Variants in SMAP1 observed in about 807,000 individuals in gnomAD.
SMAP1 encodes the protein stromal membrane-associated protein 1.
SMAP1 carries 24 observed loss-of-function variants against 58.5 expected under a neutral mutation model. The observed-to-expected ratio is 0.41, with a 90% CI of 0.30 to 0.58. The LOEUF (loss-of-function observed/expected upper bound fraction) is 0.58, where lower values mean the gene tolerates loss of function less well. Ranked by LOEUF, SMAP1 falls within the 20% of genes least tolerant of loss-of-function variation. The pLI is 0.29. For synonymous variants in SMAP1, 216 were observed against 196.6 expected, an observed-to-expected ratio of 1.10 and a Z score of -0.82; for missense variants, 563 against 566.3, an observed-to-expected ratio of 0.99 and a Z score of 0.06.
At chr6:70,710,378 C>G (rs1476245255) in intron 1 of SMAP1, among the ~76,000 whole-genome samples, 1 of 150,886 alleles carries the variant, frequency 6.6e-6, no homozygotes, top group African/African-American at 2.4e-5. Flanking sequence ...GTAGTCCCAG[C>G]TGCTCGGGAG....
chr6:70,757,479 A>G (rs1410092870), intron 3 of SMAP1, among the ~76,000 whole-genome samples: 1 of 152,130 alleles, frequency 6.6e-6, no homozygotes, highest in African/African-American at 2.4e-5. Context: ...CATGTCCAAA[A>G]CACCAACAGC....
intron 3 of SMAP1, among the ~76,000 whole-genome samples, chr6:70,768,847 T>A (rs868817815): frequency 1.1e-4 from 17 of 152,324 alleles, no homozygotes; most frequent in African/African-American, 3.4e-4. Flanking sequence ...GATATTAGGG[T>A]GTCACTTTTG....
At chr6:70,823,721 A>T (rs1230702992) in intron 6 of SMAP1, among the ~76,000 whole-genome samples, 1 of 152,056 alleles carries the variant, frequency 6.6e-6, no homozygotes, top group African/African-American at 2.4e-5. Flanking sequence ...GCAGATTGTT[A>T]GGCTGTTTTT....
At chr6:70,679,612 A>T (rs929924797) in intron 1 of SMAP1, among the ~76,000 whole-genome samples, 9 of 152,258 alleles carry the variant, frequency 5.9e-5, no homozygotes, top group African/African-American at 2.2e-4. Flanking sequence ...AATAAAAATT[A>T]TGATTTATAA....
At chr6:70,834,269 G>A (rs1169861900) in intron 6 of SMAP1, among the ~76,000 whole-genome samples, 2 of 151,190 alleles carry the variant, frequency 1.3e-5, no homozygotes, top group African/African-American at 2.4e-5. Context: ...GCCTGAAGAG[G>A]TTCCAAAGTC....
Position 70,797,279 on chromosome 6 carries a change from G to T in SMAP1, c.496-1378G>T, listed in dbSNP as rs374833768. Among the ~76,000 whole-genome samples the T allele has an allele frequency of 2.0e-5, 3 of 152,124 alleles. No homozygotes were observed. In the East Asian group the frequency reaches 5.8e-4, roughly 29 times the overall value. ...TGTGTAGTGCTTTATAGTTTGCAAA[G>T]TTGCTTTCTAGGTTCTTAGTGCCTT... On this transcript the variant is annotated intron_variant, in intron 5 of 10. Transcript: ENST00000370455.
At chr6:70,745,041 T>C (rs1404514044) in intron 2 of SMAP1, among the ~76,000 whole-genome samples, 1 of 152,238 alleles carries the variant, frequency 6.6e-6, no homozygotes, top group African/African-American at 2.4e-5. Context: ...CCTTGTAAAT[T>C]TGTTTGAGTT....
In SMAP1 at chr6:70,668,183, C is replaced by T. The variant is rs747979938; in HGVS notation, c.118+42C>T. 5.2e-6 allele frequency: 8 copies of T among 1,536,194 alleles called. No individual in the cohort carries two copies. The East Asian group carries it at 1.5e-4, about 28-fold the overall frequency. Reference sequence around the variant, plus strand: ...CGCTGCCCACGGTCGGGGCCTCTTGCGACCGGTGACCTTCCCGCCGCTGCG... The same window carrying T: ...CGCTGCCCACGGTCGGGGCCTCTTGTGACCGGTGACCTTCCCGCCGCTGCG... On this transcript the variant is annotated intron_variant, in intron 1 of 10. Coordinates refer to ENST00000370455, the MANE Select transcript of SMAP1 (RefSeq NM_001044305.3).
At position 70,858,047 on chromosome 6, in the gene SMAP1, A is replaced by G. The variant is rs1771510293; in HGVS notation, c.1087A>G (p.Ser363Gly). The change falls in exon 10 of 11, where the codon AGT becomes GGT. Residue 363 changes from serine to glycine, a missense_variant. Physicochemically the swap from Ser to Gly is moderately conservative, Grantham distance 56. Transcript: ENST00000370455. ...CCTTATAGGAAATGTGATGGGACAGAGTCCAAGCATGATGGTGGGCATGCC... is the reference window on the plus strand; with the variant it reads ...CCTTATAGGAAATGTGATGGGACAGGGTCCAAGCATGATGGTGGGCATGCC... ...PGLIGNVMGQ[S>G]PSMMVGMPMP... is the part of the protein sequence containing the mutation. 7 of 1,614,026 alleles carry G rather than the reference A, an allele frequency of 4.3e-6. No individual in the cohort carries two copies. Among genetic ancestry groups the G allele is most frequent in the Non-Finnish European group, 5.9e-6 (7 of 1,180,012 alleles).
At chr6:70,688,296 TTTTA>T (rs1182773859) in intron 1 of SMAP1, among the ~76,000 whole-genome samples, 1 of 152,136 alleles carries the variant, frequency 6.6e-6, no homozygotes, top group Non-Finnish European at 1.5e-5. Flanking sequence ...GGATGTAGGT[TTTTA>T]TTTCTCTGAT....
At chr6:70,687,525 G>C (rs1220256769) in intron 1 of SMAP1, among the ~76,000 whole-genome samples, 1 of 151,952 alleles carries the variant, frequency 6.6e-6, no homozygotes, top group Non-Finnish European at 1.5e-5. Flanking sequence ...TAAGAATAAT[G>C]GTCATTTTTT....
chr6:70,710,702 A>C (rs1315007466), intron 1 of SMAP1, among the ~76,000 whole-genome samples: 1 of 152,046 alleles, frequency 6.6e-6, no homozygotes, highest in Non-Finnish European at 1.5e-5. Flanking sequence ...TGATAAATTA[A>C]CCTTAGCTTA....
rs555539419 is a variant in SMAP1 at position 70,710,795 on chromosome 6, G to A, written c.119-21583G>A. Among the ~76,000 whole-genome samples, 13 of 152,234 alleles carry A rather than the reference G, an allele frequency of 8.5e-5. No homozygotes were observed. The South Asian group carries it at 2.5e-3, about 29-fold the overall frequency. On this transcript the variant is annotated intron_variant, in intron 1 of 10. Transcript: ENST00000370455. Reference sequence around the variant, plus strand: ...GTAATAACAGTTTAAGACACACGTTGTACAGCTATACAAGGCATTTTCTTT... The same window carrying A: ...GTAATAACAGTTTAAGACACACGTTATACAGCTATACAAGGCATTTTCTTT...
intron 6 of SMAP1, among the ~76,000 whole-genome samples, chr6:70,825,176 A>C (rs796319649): frequency 4.6e-5 from 7 of 152,332 alleles, no homozygotes; most frequent in Admixed American, 2.0e-4. Flanking sequence ...GATTTACAAA[A>C]TAGATATTCA....
Position 70,858,045 on chromosome 6 carries a change from A to G in SMAP1, c.1085A>G (p.Gln362Arg). The G allele has an allele frequency of 6.2e-7, 1 of 1,614,160 alleles. No homozygotes were observed. The highest frequency in any genetic ancestry group is 8.5e-7 in the Non-Finnish European group (1 of 1,179,998). Reference protein sequence around the residue: ...APGLIGNVMGQSPSMMVGMPM... With the variant: ...APGLIGNVMGRSPSMMVGMPM... The stretch of plus-strand genomic sequence containing the variant: ...GGCCTTATAGGAAATGTGATGGGAC[A>G]GAGTCCAAGCATGATGGTGGGCATG... The change falls in exon 10 of 11, where the codon CAG becomes CGG. Residue 362 changes from glutamine (Q) to arginine (R), a missense_variant. Physicochemically the swap from Gln to Arg is conservative, Grantham distance 43. Around this residue, in one of 3 missense-constraint regions of SMAP1, gnomAD observed 494 missense variants for 473.8 expected, o/e 1.04. Coordinates refer to ENST00000370455, the MANE Select transcript of SMAP1 (RefSeq NM_001044305.3).
chr6:70,672,892 A>G (rs963200218), intron 1 of SMAP1, among the ~76,000 whole-genome samples: 64 of 152,006 alleles, frequency 4.2e-4, no homozygotes, highest in African/African-American at 1.5e-3. Flanking sequence ...ATGTACCAGT[A>G]TGAAAGAACA....
intron 1 of SMAP1, among the ~76,000 whole-genome samples, chr6:70,693,026 GCC>G: frequency 6.6e-6 from 1 of 152,140 alleles, no homozygotes; most frequent in African/African-American, 2.4e-5. Context: ...TTCATGATCT[GCC>G]CACCTCGGCC....
At chr6:70,842,095 G>T (rs57544586) in intron 7 of SMAP1, among the ~76,000 whole-genome samples, 1 of 152,310 alleles carries the variant, frequency 6.6e-6, no homozygotes, top group African/African-American at 2.4e-5. Flanking sequence ...GAGGACGTTT[G>T]TGTAGTTATG....
intron 1 of SMAP1, among the ~76,000 whole-genome samples, chr6:70,712,761 GCTTTTCTTTT>G (rs147701376): frequency 6.8e-6 from 1 of 147,022 alleles, no homozygotes; most frequent in African/African-American, 2.5e-5. Flanking sequence ...TTTTTTTATT[GCTTTTCTTTT>G]CTTTTCTTTT....
Sources: allele counts gnomAD v4.1 joint callset (sites outside exome capture counted in the v4.1 genomes callset), GRCh38; gene constraint gnomAD v4.1.1; regional missense constraint gnomAD v4.1.1; transcripts MANE v1.5; gene names NCBI Gene and HGNC (gene_info 2026-07-23, HGNC 2026-07-21).